LIN54: variants seen among roughly 807,000 people sequenced by gnomAD.
LIN54 encodes lin-54 DREAM MuvB core complex component.
Under a neutral mutation model 78.7 loss-of-function variants are expected in LIN54, and 9 were observed. The observed-to-expected ratio is 0.11, with a 90% CI of 0.07 to 0.20. The LOEUF is 0.20. LIN54 is among the 10% of genes least tolerant of loss of function. LIN54 has a pLI of 1.00. For missense variants in LIN54, 573 were observed against 889.9 expected (o/e 0.64, Z 4.53); for synonymous variants, 269 against 318.4 (o/e 0.84, Z 1.65).
At chr4:82,979,580 A>G (rs1475596524) in intron 2 of LIN54, among the ~76,000 whole-genome samples, 2 of 152,206 alleles carry the variant, frequency 1.3e-5, no homozygotes, top group Non-Finnish European at 2.9e-5. Flanking sequence ...AGAAACTATT[A>G]TAAGGGCAAC....
chr4:82,926,122 T>A lies in LIN54; in HGVS notation c.*1980A>T, dbSNP rs1213400181. On this transcript the variant is annotated 3_prime_UTR_variant, in exon 13 of 13. Coordinates refer to ENST00000340417, the MANE Select transcript of LIN54 (RefSeq NM_194282.4). Reference sequence around the variant, plus strand: ...CATCATACATAATCTACAATTGTAATCAAAATTTCACGAACATTTTCTGCA... The same window carrying A: ...CATCATACATAATCTACAATTGTAAACAAAATTTCACGAACATTTTCTGCA... 1 of 152,602 alleles carries A rather than the reference T, an allele frequency of 6.6e-6. No individual in the cohort carries two copies. Among genetic ancestry groups the A allele is most frequent in the African/African-American group, 2.4e-5 (1 of 41,452 alleles). 9.5% of individuals were successfully genotyped at this position (152,602 alleles called of 1,614,324 possible).
At chr4:82,968,344 T>C (rs1301851708) in intron 4 of LIN54, among the ~76,000 whole-genome samples, 1 of 152,140 alleles carries the variant, frequency 6.6e-6, no homozygotes, top group East Asian at 1.9e-4. Context: ...ATGGCAGGGC[T>C]AAAGTCAAGG....
chr4:82,946,951 A>G (rs1344486901), intron 4 of LIN54, among the ~76,000 whole-genome samples: 1 of 151,842 alleles, frequency 6.6e-6, no homozygotes, highest in East Asian at 1.9e-4. Flanking sequence ...ATAGGGTTTC[A>G]CCATATTGGT....
chr4:82,967,274 A>G (rs1725285929), intron 4 of LIN54, among the ~76,000 whole-genome samples: 1 of 152,158 alleles, frequency 6.6e-6, no homozygotes, highest in Non-Finnish European at 1.5e-5. Context: ...ACTTAGCTGT[A>G]TCTTGGTTTA....
chr4:82,989,251 G>C (rs144068099), intron 1 of LIN54, among the ~76,000 whole-genome samples: 1 of 152,044 alleles, frequency 6.6e-6, no homozygotes, highest in African/African-American at 2.4e-5. Context: ...TATGTATACT[G>C]TGAAGTTATC....
intron 7 of LIN54, 109 bp from the exon 8 acceptor site, chr4:82,938,613 A>G: frequency 1.5e-6 from 1 of 646,336 alleles, no homozygotes. Flanking sequence ...TAAGAAAAAC[A>G]CAATGGAGAA....
intron 4 of LIN54, among the ~76,000 whole-genome samples, chr4:82,963,355 A>G (rs1724956523): frequency 6.6e-6 from 1 of 152,306 alleles, no homozygotes; most frequent in East Asian, 1.9e-4. Context: ...AAAGTTCTTT[A>G]GAGATGAATT....
chr4:82,974,163 T>A (rs1324497001), intron 3 of LIN54, among the ~76,000 whole-genome samples: 2 of 150,692 alleles, frequency 1.3e-5, no homozygotes, highest in Non-Finnish European at 3.0e-5. Flanking sequence ...TGAGCCGAGA[T>A]CGCACCACTG....
At chr4:83,000,558 A>G (rs1159886366) in intron 1 of LIN54, among the ~76,000 whole-genome samples, 1 of 152,162 alleles carries the variant, frequency 6.6e-6, no homozygotes, top group Admixed American at 6.5e-5. Context: ...TTGATATTGG[A>G]CAATGCTCCC....
Position 82,926,737 on chromosome 4 carries a change from T to C in LIN54, c.*1365A>G, listed in dbSNP as rs1300315918. 5 of 152,182 alleles carry C rather than the reference T, an allele frequency of 3.3e-5. No individual in the cohort carries two copies. The highest frequency in any genetic ancestry group is 9.7e-5 in the African/African-American group (4 of 41,436). 9.4% of individuals were successfully genotyped at this position (152,182 alleles called of 1,614,324 possible). ...AAATCACTGGCTGAAAATAATGCCA[T>C]ATTAAACTTCCCTTATAAAAAGAAA... On this transcript the variant is annotated 3_prime_UTR_variant, in exon 13 of 13. Transcript: ENST00000340417.
chr4:82,941,833 G>A (rs1722924327), intron 5 of LIN54, among the ~76,000 whole-genome samples: 1 of 152,166 alleles, frequency 6.6e-6, no homozygotes, highest in African/African-American at 2.4e-5. Flanking sequence ...AAAACTCAAG[G>A]ATGAGCTATT....
chr4:83,006,448 C>CA (rs1186424720), intron 1 of LIN54, among the ~76,000 whole-genome samples: 3,091 of 59,188 alleles, frequency 0.052, 77 homozygotes, highest in African/African-American at 0.11. Flanking sequence ...GACTCCGTCT[C>CA]AAAAAAAAAA....
At position 82,939,718 on chromosome 4, in the gene LIN54, T is replaced by C. The variant is rs1439808748; in HGVS notation, c.1261A>G (p.Asn421Asp). 3.1e-6 allele frequency: 5 copies of C among 1,614,074 alleles called. No individual in the cohort carries two copies. The African/African-American group carries it at 6.7e-5, about 22-fold the overall frequency. ...AVKQVVPKPI[N>D]PTSQIVTTSQ... Reference sequence around the variant, plus strand: ...GTAGTTACTATTTGTGAAGTTGGATTGATTGGTTTTGGAACAACCTAAAAA... The same window carrying C: ...GTAGTTACTATTTGTGAAGTTGGATCGATTGGTTTTGGAACAACCTAAAAA... Residue 421 changes from asparagine (N) to aspartate (D), a missense_variant, in exon 7 of 13, where the codon AAT becomes GAT. Transcript: ENST00000340417.
At chr4:82,996,077 G>A (rs772007000) in intron 1 of LIN54, among the ~76,000 whole-genome samples, 4 of 151,916 alleles carry the variant, frequency 2.6e-5, no homozygotes, top group Admixed American at 6.6e-5. Context: ...CCCGGGAGGC[G>A]GAGGTTGCGG....
intron 5 of LIN54, among the ~76,000 whole-genome samples, chr4:82,945,525 G>A (rs1040372372): frequency 1.3e-5 from 2 of 151,456 alleles, no homozygotes; most frequent in Non-Finnish European, 2.9e-5. Context: ...ATGGAATCTC[G>A]CTCTGTCGCC....
rs971048454 is a variant in LIN54, at chr4:82,927,614, T to G, written c.*488A>C. Reference sequence around the variant, plus strand: ...CGGCCCTAAAAGGCTGCTTTTTCTTTAAAAGATAGTCCTTTTCTAAATACA... The same window carrying G: ...CGGCCCTAAAAGGCTGCTTTTTCTTGAAAAGATAGTCCTTTTCTAAATACA... On this transcript the variant is annotated 3_prime_UTR_variant, in exon 13 of 13. Coordinates refer to ENST00000340417, the MANE Select transcript of LIN54 (RefSeq NM_194282.4). The G allele has an allele frequency of 2.0e-5, 3 of 152,986 alleles. No homozygotes were observed. Among genetic ancestry groups the G allele is most frequent in the African/African-American group, 7.2e-5 (3 of 41,464 alleles). The allele number at this position is 152,986 out of a possible 1,614,324, so 9.5% of individuals were successfully genotyped here.
upstream of LIN54, chr4:83,011,982 T>C (rs1729880266): frequency 2.1e-6 from 2 of 972,004 alleles, no homozygotes; most frequent in Non-Finnish European, 2.4e-6. Context: ...AGAGTAAGGT[T>C]GAAGTTGAAG....
At chr4:82,979,228 T>G (rs969827337) in intron 2 of LIN54, among the ~76,000 whole-genome samples, 4 of 152,200 alleles carry the variant, frequency 2.6e-5, no homozygotes, top group African/African-American at 7.2e-5. Flanking sequence ...TTGCATTTTA[T>G]TACAATTCCT....
At chr4:82,972,874 G>A (rs752118865) in intron 3 of LIN54, among the ~76,000 whole-genome samples, 6 of 150,872 alleles carry the variant, frequency 4.0e-5, no homozygotes, top group African/African-American at 9.8e-5. Flanking sequence ...CCAGCTACTC[G>A]GGAGGCAGAG....
Sources: allele counts gnomAD v4.1 joint callset (sites outside exome capture counted in the v4.1 genomes callset), GRCh38; gene constraint gnomAD v4.1.1; transcripts MANE v1.5; gene names NCBI Gene and HGNC (gene_info 2026-07-23, HGNC 2026-07-21).